Variants in SORCS2 observed in about 807,000 individuals in gnomAD.
SORCS2 encodes sortilin related VPS10 domain containing receptor 2.
A neutral mutation model predicts 141.6 loss-of-function variants in SORCS2; 100 were observed. That is an observed-to-expected ratio of 0.71 (90% CI 0.60 to 0.83). SORCS2 has a LOEUF of 0.83. Ranked by LOEUF, SORCS2 falls within the 40% of genes least tolerant of loss-of-function variation. The probability of loss-of-function intolerance (pLI) is 0.00; values close to 1 mark genes in which losing one functional copy is unlikely to be tolerated. For missense variants in SORCS2, 1,646 were observed against 1,560.2 expected, an observed-to-expected ratio of 1.05 and a Z score of -0.93; for synonymous variants, 789 against 676.9, an observed-to-expected ratio of 1.17 and a Z score of -2.57.
At chr4:7,244,703 C>T (rs547863330) in intron 1 of SORCS2, among the ~76,000 whole-genome samples, 1 of 152,362 alleles carries the variant, frequency 6.6e-6, no homozygotes, top group South Asian at 2.1e-4. Flanking sequence ...CACTCTCACC[C>T]ATTCCTACCC....
intron 15 of SORCS2, among the ~76,000 whole-genome samples, chr4:7,713,687 G>A (rs940918230): frequency 1.3e-5 from 2 of 152,158 alleles, no homozygotes; most frequent in Non-Finnish European, 2.9e-5. Context: ...AAGGGTGGGC[G>A]GTGCCTGCCA....
At chr4:7,508,623 C>G (rs4406019) in intron 2 of SORCS2, among the ~76,000 whole-genome samples, 82,673 of 151,984 alleles carry the variant, frequency 0.54, 24,730 homozygotes, top group East Asian at 0.99. Flanking sequence ...CAGGCACGAG[C>G]CACCGCGCCT....
chr4:7,671,471 A>C (rs1166405220), intron 8 of SORCS2, among the ~76,000 whole-genome samples: 2 of 152,180 alleles, frequency 1.3e-5, no homozygotes, highest in African/African-American at 2.4e-5. Flanking sequence ...GAAAAACAAG[A>C]AAATGATGTA....
rs542553826 is a variant in SORCS2, at chr4:7,741,042, C to G, written c.*778C>G. 2 of 398,952 alleles carry G rather than the reference C, an allele frequency of 5.0e-6. No homozygotes were observed. Among genetic ancestry groups the G allele is most frequent in the African/African-American group, 4.1e-5 (2 of 48,744 alleles). 24.7% of individuals were successfully genotyped at this position (398,952 alleles called of 1,614,324 possible). A position where few individuals can be genotyped will look rare whatever the true frequency, so the allele number is the denominator to read the frequency against. On this transcript the variant is annotated 3_prime_UTR_variant, in exon 27 of 27. Transcript: ENST00000507866. Reference sequence around the variant, plus strand: ...GGCTCAGGACCCAGTGCCCATGGTTCCTCACTCCTACCAGCAAGCAGCACC... The same window carrying G: ...GGCTCAGGACCCAGTGCCCATGGTTGCTCACTCCTACCAGCAAGCAGCACC...
intron 3 of SORCS2, among the ~76,000 whole-genome samples, chr4:7,563,624 A>G (rs1350721826): frequency 6.6e-6 from 1 of 152,168 alleles, no homozygotes; most frequent in Non-Finnish European, 1.5e-5. Flanking sequence ...CCTTGACAAG[A>G]TGCCATCTGC....
At chr4:7,291,509 A>G (rs1252880979) in intron 1 of SORCS2, among the ~76,000 whole-genome samples, 3 of 151,918 alleles carry the variant, frequency 2.0e-5, no homozygotes, top group Non-Finnish European at 4.4e-5. Flanking sequence ...TTCCTGGGAG[A>G]GAGAGATCAC....
At chr4:7,540,227 C>A (rs1712516316) in intron 3 of SORCS2, among the ~76,000 whole-genome samples, 1 of 148,630 alleles carries the variant, frequency 6.7e-6, no homozygotes, top group Non-Finnish European at 1.5e-5. Flanking sequence ...TCTGCCTCTC[C>A]CTGCCCCTGC....
In SORCS2 at chr4:7,371,295, C is replaced by T. The variant is rs573805005; in HGVS notation, c.481-24993C>T. On this transcript the variant is annotated intron_variant, in intron 1 of 26. Transcript: ENST00000507866. ...GCCTGCGCCCTGTGTGGTGGTGGAT[C>T]GGCCTCTGCTTCTAACCTGGAGCAC... Among the ~76,000 whole-genome samples the T allele has an allele frequency of 1.1e-3, 161 of 152,296 alleles. 1 individual carries two copies. The highest frequency in any genetic ancestry group is 1.6e-3 in the Non-Finnish European group (111 of 68,018).
chr4:7,544,604 G>A (rs1009629546), intron 3 of SORCS2, among the ~76,000 whole-genome samples: 1 of 152,376 alleles, frequency 6.6e-6, no homozygotes, highest in East Asian at 1.9e-4. Flanking sequence ...CCTGGGACAG[G>A]CTCCCTGGTC....
chr4:7,442,987 T>C (rs1317372767), intron 2 of SORCS2, among the ~76,000 whole-genome samples: 1 of 152,108 alleles, frequency 6.6e-6, no homozygotes, highest in East Asian at 1.9e-4. Context: ...CGGGCCGGGG[T>C]TTGCAGCCGC....
In SORCS2 at chr4:7,579,205, G is replaced by A. The variant is rs544066899; in HGVS notation, c.648+47576G>A. The stretch of plus-strand genomic sequence containing the variant: ...CAATGAGAAAGTCTCTTAATCTGTC[G>A]TTATTTTTCCCATCCATAAATAATG... On this transcript the variant is annotated intron_variant, in intron 3 of 26. Transcript: ENST00000507866. Among the ~76,000 whole-genome samples the A allele has an allele frequency of 1.5e-4, 23 of 152,148 alleles. No homozygotes were observed. The South Asian group carries it at 3.1e-3, about 21-fold the overall frequency.
chr4:7,705,513 C>CT (rs1319876265), intron 14 of SORCS2, among the ~76,000 whole-genome samples: 6 of 152,220 alleles, frequency 3.9e-5, no homozygotes, highest in Admixed American at 1.3e-4. Context: ...CTTTGAACAC[C>CT]TTGTCCTCTG....
intron 1 of SORCS2, among the ~76,000 whole-genome samples, chr4:7,276,407 C>T (rs568384931): frequency 6.6e-6 from 1 of 152,268 alleles, no homozygotes; most frequent in South Asian, 2.1e-4. Context: ...TTGGGGCAGG[C>T]GTCCTTCCAC....
In SORCS2 at chr4:7,703,380, G is replaced by T. The variant is rs201828099; in HGVS notation, c.1760+9G>T. On this transcript the variant is annotated intron_variant, in intron 13 of 26. Transcript: ENST00000507866. The stretch of plus-strand genomic sequence containing the variant: ...CCTTTGAAGATCCTCAAGTAATGGC[G>T]TCTGCTAGCCCCGGGGCAGGGAGGG... 8.9e-5 allele frequency: 144 copies of T among 1,610,316 alleles called. No homozygotes were observed. Among genetic ancestry groups the T allele is most frequent in the Non-Finnish European group, 1.1e-4 (128 of 1,178,298 alleles).
At chr4:7,584,923 C>T (rs1192277648) in intron 3 of SORCS2, among the ~76,000 whole-genome samples, 2 of 152,170 alleles carry the variant, frequency 1.3e-5, no homozygotes, top group African/African-American at 4.8e-5. Flanking sequence ...CAAAATAAAG[C>T]AAGCACATTG....
In SORCS2 at chr4:7,433,983, G is replaced by A. The variant is rs75831778; in HGVS notation, c.548+37628G>A. ...GCCAGTGGTCCAGCTTCTGCACCACGTTCATGCACACCTCACAGGTCACAC... is the reference window on the plus strand; with the variant it reads ...GCCAGTGGTCCAGCTTCTGCACCACATTCATGCACACCTCACAGGTCACAC... On this transcript the variant is annotated intron_variant, in intron 2 of 26. Transcript: ENST00000507866. 17 of 1,613,770 alleles carry A rather than the reference G, an allele frequency of 1.1e-5. No individual in the cohort carries two copies. The Middle Eastern group carries it at 6.6e-4, about 63-fold the overall frequency.
chr4:7,388,001 C>A (rs113308612), intron 1 of SORCS2, among the ~76,000 whole-genome samples: 1 of 107,742 alleles, frequency 9.3e-6, no homozygotes, highest in African/African-American at 3.7e-5. Context: ...CATGCACACA[C>A]ATGCACATGC....
intron 8 of SORCS2, among the ~76,000 whole-genome samples, chr4:7,667,468 C>G (rs1722570002): frequency 6.6e-6 from 1 of 152,206 alleles, no homozygotes; most frequent in Non-Finnish European, 1.5e-5. Flanking sequence ...TCATCTTTCC[C>G]CGGAACCCTT....
intron 2 of SORCS2, among the ~76,000 whole-genome samples, chr4:7,412,003 A>G (rs1377868582): frequency 6.6e-6 from 1 of 152,174 alleles, no homozygotes; most frequent in African/African-American, 2.4e-5. Flanking sequence ...GTATGCTGCC[A>G]AGGTCTATCA....
Sources: gnomAD v4.1 joint callset for allele counts (sites outside exome capture counted in the v4.1 genomes callset) on GRCh38, gnomAD v4.1.1 for gene constraint, MANE v1.5 for transcripts, NCBI Gene and HGNC (gene_info 2026-07-23, HGNC 2026-07-21) for gene names.